The following CACNA1C variants were observed in gnomAD, a reference collection of about 807,000 sequenced individuals.
CACNA1C encodes voltage-dependent L-type calcium channel subunit alpha-1C.
Under a neutral mutation model 229.0 loss-of-function variants are expected in CACNA1C, and 30 were observed. The observed-to-expected ratio is 0.13, with a 90% confidence interval of 0.10 to 0.18. CACNA1C has a LOEUF of 0.18. Among genes scored for constraint, CACNA1C ranks in the 10% least tolerant of loss-of-function variants. The pLI, the probability that CACNA1C is intolerant of heterozygous loss-of-function variation, is 1.00. For missense variants in CACNA1C, 1,658 were observed against 2,845.0 expected (o/e 0.58, Z 9.49); for synonymous variants, 1,114 against 1,132.5 (o/e 0.98, Z 0.33).
At chr12:2,361,706 A>T (rs1052676057) in intron 3 of CACNA1C, among the ~76,000 whole-genome samples, 3 of 152,366 alleles carry the variant, frequency 2.0e-5, no homozygotes, top group East Asian at 1.9e-4. Context: ...TGAGAGAAAA[A>T]TAAAGCCACT....
At chr12:2,556,850 G>C in intron 10 of CACNA1C, 101 bp from the exon 11 acceptor site, 1 of 964,714 alleles carries the variant, frequency 1.0e-6, no homozygotes, top group Non-Finnish European at 1.7e-6. Context: ...GCACCCACAC[G>C]AAATTACCTG....
chr12:2,468,317 T>C (rs754671159), intron 5 of CACNA1C, among the ~76,000 whole-genome samples: 10 of 152,222 alleles, frequency 6.6e-5, no homozygotes, highest in Non-Finnish European at 1.5e-4. Context: ...CTCTTTTTGA[T>C]TTGAGAACAA....
At chr12:2,103,878 G>A (rs1565699845) in intron 1 of CACNA1C, among the ~76,000 whole-genome samples, 1 of 152,312 alleles carries the variant, frequency 6.6e-6, no homozygotes, top group East Asian at 1.9e-4. Flanking sequence ...TGAAAGATCA[G>A]ATGGTTGTAG....
chr12:2,685,692 C>T (rs1171229610), intron 43 of CACNA1C, 44 bp from the exon 44 acceptor site: 1 of 1,516,738 alleles, frequency 6.6e-7, no homozygotes, highest in South Asian at 1.1e-5. Context: ...TGGGTGGCCA[C>T]TTCTCAGCCT....
intron 3 of CACNA1C, among the ~76,000 whole-genome samples, chr12:2,164,880 T>C (rs1046737252): frequency 6.6e-6 from 1 of 152,182 alleles, no homozygotes; most frequent in African/African-American, 2.4e-5. Flanking sequence ...CACTCAATGG[T>C]GGCAGTCATC....
intron 1 of CACNA1C, among the ~76,000 whole-genome samples, chr12:2,056,280 G>A (rs894539966): frequency 6.6e-6 from 1 of 151,744 alleles, no homozygotes; most frequent in African/African-American, 2.4e-5. Context: ...CCTGGGAACA[G>A]CCTGGAAGTT....
intron 2 of CACNA1C, among the ~76,000 whole-genome samples, chr12:2,119,905 C>T (rs1235830851): frequency 6.6e-6 from 1 of 152,256 alleles, no homozygotes; most frequent in Non-Finnish European, 1.5e-5. Flanking sequence ...AATCCTGTTC[C>T]ACCCATGTCC....
intron 13 of CACNA1C, among the ~76,000 whole-genome samples, chr12:2,570,625 G>T (rs971736170): frequency 6.6e-6 from 1 of 152,102 alleles, no homozygotes; most frequent in Admixed American, 6.5e-5. Context: ...GGAAAAAATC[G>T]AAAAATAAGG....
intron 9 of CACNA1C, among the ~76,000 whole-genome samples, chr12:2,519,761 G>A (rs1386124165): frequency 6.6e-6 from 1 of 152,210 alleles, no homozygotes; most frequent in Non-Finnish European, 1.5e-5. Flanking sequence ...GCGAGGTCCT[G>A]TGGACTTGGT....
In CACNA1C at chr12:2,004,451, T is replaced by A. The variant is rs376554458; in HGVS notation, c.139+33250T>A. 5.0e-6 allele frequency: 8 copies of A among 1,596,930 alleles called. No individual in the cohort carries two copies. The Admixed American group carries it at 8.5e-5, about 17-fold the overall frequency. On this transcript the variant is annotated intron_variant, in intron 1 of 46. Coordinates refer to the CACNA1C transcript ENST00000682462. ...TGCCATCTTCCCTCCCTCCCAGACA[T>A]AGGCACGGGGCTCTTGGAAGCCACT...
At chr12:2,514,756 C>T (rs2154579916) in intron 9 of CACNA1C, among the ~76,000 whole-genome samples, 1 of 152,212 alleles carries the variant, frequency 6.6e-6, no homozygotes, top group Middle Eastern at 3.4e-3. Context: ...CAGTGGTTAT[C>T]CACCGAGATA....
chr12:2,585,825 G>T lies in CACNA1C; in HGVS notation c.2461-10G>T, dbSNP rs531188554. 6.2e-7 allele frequency: 1 copy of T among 1,600,958 alleles called. No homozygotes were observed. Among genetic ancestry groups the T allele is most frequent in the African/African-American group, 1.3e-5 (1 of 74,720 alleles). On this transcript the variant is annotated splice_polypyrimidine_tract_variant and intron_variant, in intron 17 of 46. Transcript: ENST00000399655. This position sits in a 1 kb window ranked among gnomAD's most constrained non-coding sequence, Gnocchi z 4.1. ...ACTATTCTTCCCCCTTCTCCCCTGT[G>T]ACTGTCTAGATCAACATGGATGACC... is the stretch of plus-strand genomic sequence containing the variant.
At chr12:2,082,033 G>C (rs1030875914) in intron 1 of CACNA1C, among the ~76,000 whole-genome samples, 1 of 151,868 alleles carries the variant, frequency 6.6e-6, no homozygotes, top group South Asian at 2.1e-4. Flanking sequence ...AAGAAAACAG[G>C]GGGGACAGGG....
chr12:1,980,134 G>A (rs2035681161), intron 1 of CACNA1C, among the ~76,000 whole-genome samples: 1 of 152,060 alleles, frequency 6.6e-6, no homozygotes, highest in Admixed American at 6.5e-5. Context: ...AGATAGATAG[G>A]CATACATATC....
intron 29 of CACNA1C, among the ~76,000 whole-genome samples, chr12:2,620,856 C>T (rs2082858596): frequency 6.6e-6 from 1 of 152,176 alleles, no homozygotes; most frequent in Admixed American, 6.5e-5. Flanking sequence ...GAGAGGCATT[C>T]AGTGAAAGTT....
chr12:2,464,879 C>T (rs16929447), intron 5 of CACNA1C, among the ~76,000 whole-genome samples: 53,641 of 152,062 alleles, frequency 0.35, 11,516 homozygotes, highest in African/African-American at 0.61. Flanking sequence ...AGTTAGTAGA[C>T]AAATATCTGT....
chr12:2,205,673 A>C (rs1459782224), intron 3 of CACNA1C, among the ~76,000 whole-genome samples: 1 of 152,158 alleles, frequency 6.6e-6, no homozygotes, highest in Non-Finnish European at 1.5e-5. Flanking sequence ...GAGTTTTTAG[A>C]GTAGGAAGTA....
At chr12:2,311,399 G>A (rs1415133706) in intron 3 of CACNA1C, among the ~76,000 whole-genome samples, 11 of 152,162 alleles carry the variant, frequency 7.2e-5, no homozygotes, top group Non-Finnish European at 1.5e-5. Flanking sequence ...GCAATTAACT[G>A]TTTACATTAA....
chr12:2,198,393 T>C (rs1036993374), intron 3 of CACNA1C, among the ~76,000 whole-genome samples: 3 of 152,178 alleles, frequency 2.0e-5, no homozygotes, highest in Non-Finnish European at 4.4e-5. Flanking sequence ...GCCTCCCCTC[T>C]GCGGCTATTT....
Sources: allele counts gnomAD v4.1 joint callset (sites outside exome capture counted in the v4.1 genomes callset), GRCh38; gene constraint gnomAD v4.1.1; non-coding constraint Gnocchi (gnomAD v3.1); transcripts MANE v1.5; gene names NCBI Gene and HGNC (gene_info 2026-07-23, HGNC 2026-07-21).